Variants in NRXN1 observed in about 807,000 individuals in gnomAD.
NRXN1 encodes neurexin 1.
Under a neutral mutation model 150.9 loss-of-function variants are expected in NRXN1, and 39 were observed. That is an observed-to-expected ratio of 0.26 (90% CI 0.20 to 0.34). The LOEUF is 0.34. Ranked by LOEUF, NRXN1 falls within the 10% of genes least tolerant of loss-of-function variation. NRXN1 has a pLI of 1.00. For synonymous variants in NRXN1, 924 were observed against 757.0 expected, an observed-to-expected ratio of 1.22 and a Z score of -3.62; for missense variants, 1,815 against 1,949.9, an observed-to-expected ratio of 0.93 and a Z score of 1.30.
intron 17 of NRXN1, among the ~76,000 whole-genome samples, chr2:50,445,574 G>C (rs1380055821): frequency 6.6e-6 from 1 of 152,138 alleles, no homozygotes; most frequent in Admixed American, 6.6e-5. Context: ...ACTCCATGAG[G>C]GGAAGAACAA....
At chr2:49,961,546 A>C (rs928893752) in intron 21 of NRXN1, among the ~76,000 whole-genome samples, 1 of 152,124 alleles carries the variant, frequency 6.6e-6, no homozygotes, top group Non-Finnish European at 1.5e-5. Context: ...AAAACACAAC[A>C]ATCAGCAGTT....
intron 2 of NRXN1, among the ~76,000 whole-genome samples, chr2:50,966,230 T>C (rs1347269638): frequency 2.0e-5 from 3 of 151,620 alleles, no homozygotes; most frequent in African/African-American, 7.3e-5. Context: ...GACATGTCTG[T>C]ATGATCTTCA....
At chr2:50,157,939 C>T (rs1574228729) in intron 18 of NRXN1, among the ~76,000 whole-genome samples, 1 of 150,662 alleles carries the variant, frequency 6.6e-6, no homozygotes. Context: ...GGAGTAATCC[C>T]CCGAGAGTGG....
intron 8 of NRXN1, among the ~76,000 whole-genome samples, chr2:50,599,853 A>T (rs1675951149): frequency 6.6e-6 from 1 of 152,188 alleles, no homozygotes; most frequent in Non-Finnish European, 1.5e-5. Flanking sequence ...ACAAAGGGTG[A>T]ATAATTGTTT....
chr2:50,062,882 A>T (rs941191428), intron 19 of NRXN1, among the ~76,000 whole-genome samples: 2 of 152,118 alleles, frequency 1.3e-5, no homozygotes, highest in African/African-American at 4.8e-5. Context: ...TGAACCAAAC[A>T]TTTGTGCAGA....
At chr2:50,324,663 T>C (rs2076271918) in intron 17 of NRXN1, among the ~76,000 whole-genome samples, 1 of 152,226 alleles carries the variant, frequency 6.6e-6, no homozygotes, top group African/African-American at 2.4e-5. Context: ...TGCCTCAGCC[T>C]CCCGAGTAGC....
At chr2:50,494,723 C>T (rs1187725604) in intron 15 of NRXN1, among the ~76,000 whole-genome samples, 1 of 152,112 alleles carries the variant, frequency 6.6e-6, no homozygotes, top group Non-Finnish European at 1.5e-5. Context: ...TTAGAAAGAG[C>T]ATTTTTCTCT....
Position 50,403,419 on chromosome 2 carries a change from C to G in NRXN1, c.3364+62023G>C, listed in dbSNP as rs1047213887. 2.6e-5 allele frequency among the ~76,000 whole-genome samples: 4 copies of G among 152,060 alleles called. No individual in the cohort carries two copies. In the South Asian group the frequency reaches 8.3e-4, roughly 31 times the overall value. On this transcript the variant is annotated intron_variant, in intron 17 of 22. Coordinates refer to ENST00000401669, the MANE Select transcript of NRXN1 (RefSeq NM_001330078.2). Reference sequence around the variant, plus strand: ...ATCAGAATCTGCATTTAAAAATTATCCCAGGTAATTCTTACATATGTTCAG... The same window carrying G: ...ATCAGAATCTGCATTTAAAAATTATGCCAGGTAATTCTTACATATGTTCAG...
At chr2:50,744,378 A>G (rs1395298263) in intron 5 of NRXN1, among the ~76,000 whole-genome samples, 2 of 152,156 alleles carry the variant, frequency 1.3e-5, no homozygotes, top group Non-Finnish European at 2.9e-5. Context: ...GTACTTGGTC[A>G]ATATATGTAA....
chr2:49,996,285 A>AT (rs1682986106), intron 21 of NRXN1, among the ~76,000 whole-genome samples: 1 of 152,190 alleles, frequency 6.6e-6, no homozygotes, highest in Non-Finnish European at 1.5e-5. Context: ...ATCTCAGGAC[A>AT]TGTAGAGAAG....
At chr2:50,130,971 G>A (rs970999093) in intron 18 of NRXN1, among the ~76,000 whole-genome samples, 1 of 152,078 alleles carries the variant, frequency 6.6e-6, no homozygotes, top group African/African-American at 2.4e-5. Flanking sequence ...CATGAACATG[G>A]CCTAATGTAT....
At chr2:50,560,594 G>A (rs573193857) in intron 8 of NRXN1, among the ~76,000 whole-genome samples, 3 of 152,100 alleles carry the variant, frequency 2.0e-5, no homozygotes, top group African/African-American at 4.8e-5. Context: ...TACCACGCCC[G>A]GTTAATTTTG....
intron 18 of NRXN1, among the ~76,000 whole-genome samples, chr2:50,155,013 T>C (rs2058929206): frequency 6.6e-6 from 1 of 151,670 alleles, no homozygotes; most frequent in Non-Finnish European, 1.5e-5. Flanking sequence ...GTATCTATAG[T>C]GGAATTTCAT....
rs577004078 is a variant in NRXN1 at position 50,846,386 on chromosome 2, G to A, written c.832+75483C>T. Among the ~76,000 whole-genome samples, 298 of 152,044 alleles carry A rather than the reference G, an allele frequency of 2.0e-3. 2 individuals are homozygous for A. Among genetic ancestry groups the A allele is most frequent in the African/African-American group, 6.8e-3 (281 of 41,456 alleles). On this transcript the variant is annotated intron_variant, in intron 5 of 22. Coordinates refer to ENST00000401669, the MANE Select transcript of NRXN1 (RefSeq NM_001330078.2). ...TCATTCAAATCAATCTACTGCACTC[G>A]CCAGCCAGTTAACAACCTCTGGGTC...
chr2:50,376,050 C>T (rs202240014), intron 17 of NRXN1, among the ~76,000 whole-genome samples: 2,251 of 125,038 alleles, frequency 0.018, 20 homozygotes, highest in Non-Finnish European at 0.024. Context: ...TATATATACA[C>T]ACACACACAC....
intron 8 of NRXN1, among the ~76,000 whole-genome samples, chr2:50,600,625 A>G (rs2103939525): frequency 6.6e-6 from 1 of 152,280 alleles, no homozygotes; most frequent in Non-Finnish European, 1.5e-5. Flanking sequence ...ACGCCCAGCC[A>G]AGTCTTGCTT....
chr2:50,163,970 C>T (rs1182748633), intron 18 of NRXN1, among the ~76,000 whole-genome samples: 1 of 152,096 alleles, frequency 6.6e-6, no homozygotes, highest in Non-Finnish European at 1.5e-5. Flanking sequence ...AAACCAAATC[C>T]ATCCTCTCAA....
chr2:50,352,208 AAC>A (rs2153001903), intron 17 of NRXN1, among the ~76,000 whole-genome samples: 1 of 152,302 alleles, frequency 6.6e-6, no homozygotes, highest in African/African-American at 2.4e-5. Flanking sequence ...TTGAGAGGAA[AAC>A]ACAAAAGAAA....
At position 49,920,734 on chromosome 2, in the gene NRXN1, G is replaced by C. The variant is rs199889689; in HGVS notation, c.*1210C>G. 2 of 129,662 alleles carry C rather than the reference G, an allele frequency of 1.5e-5. No homozygotes were observed. The highest frequency in any genetic ancestry group is 3.4e-5 in the Non-Finnish European group (2 of 59,636). The allele number at this position is 129,662 out of a possible 1,614,324, so 8.0% of individuals were successfully genotyped here. On this transcript the variant is annotated 3_prime_UTR_variant, in exon 23 of 23. Transcript: ENST00000401669. ...TGTGTGTGTGTGTGTGTGTGTGTGT[G>C]TGTGTGTGTGAAAATAGTGAATGTA...
Sources: gnomAD v4.1 joint callset for allele counts (sites outside exome capture counted in the v4.1 genomes callset) on GRCh38, gnomAD v4.1.1 for gene constraint, MANE v1.5 for transcripts, NCBI Gene and HGNC (gene_info 2026-07-23, HGNC 2026-07-21) for gene names.